The following PARG variants were observed in gnomAD, a reference collection of about 807,000 sequenced individuals.
The protein encoded by PARG is poly(ADP-ribose) glycohydrolase.
Under a neutral mutation model 113.0 loss-of-function variants are expected in PARG, and 35 were observed. That is an observed-to-expected ratio of 0.31 (90% CI 0.24 to 0.41). The LOEUF is 0.41. Ranked by LOEUF, PARG falls within the 10% of genes least tolerant of loss-of-function variation. The pLI, the probability that PARG is intolerant of heterozygous loss-of-function variation, is 1.00. For missense variants in PARG, 797 were observed against 1,169.4 expected (o/e 0.68, Z 4.64); for synonymous variants, 330 against 409.9 (o/e 0.81, Z 2.36).
At chr10:49,828,130 C>T (rs1844465391) in intron 16 of PARG, among the ~76,000 whole-genome samples, 2 of 115,434 alleles carry the variant, frequency 1.7e-5, no homozygotes, top group African/African-American at 3.1e-5. Context: ...AAAGCTCCTT[C>T]TACCCCAACC....
chr10:49,821,626 C>T (rs142116428), intron 16 of PARG, among the ~76,000 whole-genome samples: 98 of 152,194 alleles, frequency 6.4e-4, no homozygotes, highest in African/African-American at 2.2e-3. Flanking sequence ...GTGATCTGCC[C>T]GTCTCGGCCT....
intron 7 of PARG, among the ~76,000 whole-genome samples, chr10:49,911,580 A>G (rs1175425330): frequency 6.6e-6 from 1 of 152,274 alleles, no homozygotes; most frequent in Non-Finnish European, 1.5e-5. Flanking sequence ...ATTTCGACTC[A>G]GTAGCACCTA....
chr10:49,832,606 C>T (rs1226690802), intron 16 of PARG, among the ~76,000 whole-genome samples, 197 bp downstream of exon 16: 1 of 152,062 alleles, frequency 6.6e-6, no homozygotes, highest in Non-Finnish European at 1.5e-5. Context: ...AAGTGATAAG[C>T]GACCTCTGAA....
chr10:49,853,065 G>A (rs1302391851), intron 13 of PARG, among the ~76,000 whole-genome samples: 2 of 129,982 alleles, frequency 1.5e-5, no homozygotes, highest in African/African-American at 2.9e-5. Context: ...AGACAGTCTC[G>A]CTCTGTTGCC....
chr10:49,838,988 G>A (rs1845090360), intron 15 of PARG, among the ~76,000 whole-genome samples: 1 of 152,126 alleles, frequency 6.6e-6, no homozygotes, highest in Non-Finnish European at 1.5e-5. Flanking sequence ...TTAAGATAAT[G>A]TACTTATGTA....
intron 12 of PARG, among the ~76,000 whole-genome samples, chr10:49,859,206 G>A (rs1322741061): frequency 6.9e-6 from 1 of 145,192 alleles, no homozygotes; most frequent in Non-Finnish European, 1.5e-5. Flanking sequence ...CAGATTCATT[G>A]TGCTTGCCTG....
chr10:49,916,784 ATAC>A (rs1837494853), intron 6 of PARG, among the ~76,000 whole-genome samples: 1 of 152,160 alleles, frequency 6.6e-6, no homozygotes, highest in Non-Finnish European at 1.5e-5. Context: ...TATACTGTAC[ATAC>A]TACATTAATA....
chr10:49,860,109 C>T (rs1420752915), intron 12 of PARG, among the ~76,000 whole-genome samples: 1 of 152,212 alleles, frequency 6.6e-6, no homozygotes, highest in Non-Finnish European at 1.5e-5. Context: ...ATACAATATT[C>T]CCCGATCTCC....
intron 13 of PARG, among the ~76,000 whole-genome samples, chr10:49,851,134 T>A (rs1249564443): frequency 2.0e-5 from 3 of 152,030 alleles, no homozygotes; most frequent in Non-Finnish European, 4.4e-5. Flanking sequence ...TCTTCATGAT[T>A]TTTTAGATTT....
In PARG at chr10:49,941,870, T is replaced by A; in HGVS notation, c.-145A>T. ...CGCTGCCTGCTTCTGCAATTGCTGA[T>A]CCGCCGGCCTCCCAAGTCAGGCCGT... is the stretch of plus-strand genomic sequence containing the variant. On this transcript the variant is annotated 5_prime_UTR_variant, in exon 1 of 18. Transcript: ENST00000616448. The A allele has an allele frequency of 7.1e-7, 1 of 1,408,686 alleles. No homozygotes were observed. The highest frequency in any genetic ancestry group is 9.7e-7 in the Non-Finnish European group (1 of 1,030,976). 87.3% of individuals were successfully genotyped at this position (1,408,686 alleles called of 1,614,324 possible).
chr10:49,927,423 A>AAGAAAGAAAAG (rs1564664988), intron 4 of PARG, among the ~76,000 whole-genome samples: 24 of 150,948 alleles, frequency 1.6e-4, no homozygotes, highest in African/African-American at 5.8e-4. Context: ...AGAAAGAAAA[A>AAGAAAGAAAAG]TAAACCTGTG....
At chr10:49,820,829 C>T (rs1259352683) in intron 16 of PARG, among the ~76,000 whole-genome samples, 1 of 151,892 alleles carries the variant, frequency 6.6e-6, no homozygotes, top group Non-Finnish European at 1.5e-5. Flanking sequence ...AGAATTCCAA[C>T]ACAGGCACCT....
intron 14 of PARG, 79 bp downstream of exon 14, chr10:49,843,475 C>A: frequency 1.2e-6 from 1 of 813,550 alleles, no homozygotes; most frequent in Non-Finnish European, 2.1e-6. Context: ...TACAAGTAGA[C>A]AGAATGAGAG....
At chr10:49,911,215 A>AG (rs1164294517) in intron 7 of PARG, among the ~76,000 whole-genome samples, 1 of 151,754 alleles carries the variant, frequency 6.6e-6, no homozygotes, top group Non-Finnish European at 1.5e-5. Flanking sequence ...CCTGGGAGGC[A>AG]GAGGTTGCAG....
intron 6 of PARG, among the ~76,000 whole-genome samples, chr10:49,917,547 G>A (rs760020873): frequency 6.7e-6 from 1 of 150,056 alleles, no homozygotes; most frequent in African/African-American, 2.4e-5. Flanking sequence ...TGGCCTGTAC[G>A]GTGGCTCACA....
At chr10:49,899,244 C>G (rs1190194225) in intron 7 of PARG, among the ~76,000 whole-genome samples, 3 of 152,142 alleles carry the variant, frequency 2.0e-5, no homozygotes, top group African/African-American at 4.8e-5. Context: ...AGCACAAGCT[C>G]ACATTTCAAA....
chr10:49,902,909 T>G (rs1554844034), intron 7 of PARG, among the ~76,000 whole-genome samples: 1 of 151,848 alleles, frequency 6.6e-6, no homozygotes, highest in African/African-American at 2.4e-5. Context: ...CTCGGCTCAC[T>G]GCAACCTCTG....
At chr10:49,888,558 C>A (rs1191986293) in intron 7 of PARG, among the ~76,000 whole-genome samples, 4 of 152,156 alleles carry the variant, frequency 2.6e-5, no homozygotes, top group African/African-American at 9.7e-5. Context: ...TCTTTCTGGT[C>A]TCCATGTTTG....
chr10:49,878,568 A>G (rs1253525951), intron 9 of PARG, among the ~76,000 whole-genome samples: 2 of 144,412 alleles, frequency 1.4e-5, no homozygotes, highest in Non-Finnish European at 3.1e-5. Flanking sequence ...CAGTTGGCCA[A>G]GATTGCACCA....
Sources: allele counts gnomAD v4.1 joint callset (sites outside exome capture counted in the v4.1 genomes callset), GRCh38; gene constraint gnomAD v4.1.1; transcripts MANE v1.5; gene names NCBI Gene and HGNC (gene_info 2026-07-23, HGNC 2026-07-21).